The following SEL1L2 variants were observed in gnomAD, a reference collection of about 807,000 sequenced individuals.
SEL1L2 encodes SEL1L2 adaptor subunit of SYVN1 ubiquitin ligase.
SEL1L2 carries 89 observed loss-of-function variants against 98.8 expected under a neutral mutation model. The ratio of observed to expected loss-of-function variants is 0.90; its 90% confidence interval spans 0.76 to 1.07. The LOEUF (loss-of-function observed/expected upper bound fraction) is 1.07. Ranked by LOEUF, SEL1L2 falls within the 50% of genes least tolerant of loss-of-function variation. SEL1L2 has a pLI of 0.00. For missense variants in SEL1L2, 788 were observed against 812.0 expected, an observed-to-expected ratio of 0.97 and a Z score of 0.36; for synonymous variants, 262 against 278.5, an observed-to-expected ratio of 0.94 and a Z score of 0.59.
chr20:13,889,805 A>C (rs1357406289), intron 5 of SEL1L2, among the ~76,000 whole-genome samples: 1 of 152,192 alleles, frequency 6.6e-6, no homozygotes, highest in African/African-American at 2.4e-5. Context: ...AAAACAAAAA[A>C]CAAAAAAAGC....
At chr20:13,919,978 C>T (rs1017973113) in intron 3 of SEL1L2, among the ~76,000 whole-genome samples, 1 of 150,520 alleles carries the variant, frequency 6.6e-6, no homozygotes, top group East Asian at 1.9e-4. Context: ...CCTGTAATCC[C>T]AGCACTTTGG....
intron 18 of SEL1L2, among the ~76,000 whole-genome samples, chr20:13,858,391 G>C (rs909046834): frequency 6.6e-6 from 1 of 152,038 alleles, no homozygotes; most frequent in African/African-American, 2.4e-5. Flanking sequence ...AACAGGGTCA[G>C]ATAGGGCTGG....
Position 13,915,148 on chromosome 20 carries a change from G to A in SEL1L2, c.387-1204C>T, listed in dbSNP as rs531751213. The A allele has an allele frequency of 5.3e-5, 68 of 1,289,736 alleles. No individual in the cohort carries two copies. In the African/African-American group the frequency reaches 8.6e-4, roughly 16 times the overall value. The allele number at this position is 1,289,736 out of a possible 1,614,324, so 79.9% of individuals were successfully genotyped here. A position where few individuals can be genotyped will look rare whatever the true frequency, so the allele number is the denominator to read the frequency against. On this transcript the variant is annotated intron_variant, in intron 4 of 19. Coordinates refer to ENST00000284951, the MANE Select transcript of SEL1L2 (RefSeq NM_025229.2). ...TTATGTACAGCCCATCCATGCTGAGGCTAAAATAAGCTGCTCTTGGGCAGA... is the reference window on the plus strand; with the variant it reads ...TTATGTACAGCCCATCCATGCTGAGACTAAAATAAGCTGCTCTTGGGCAGA...
intron 3 of SEL1L2, among the ~76,000 whole-genome samples, chr20:13,930,644 G>GA (rs1189971408): frequency 1.3e-4 from 19 of 151,878 alleles, no homozygotes; most frequent in Admixed American, 1.2e-3. Context: ...TAAATGTGAG[G>GA]AAAAAAATAC....
At chr20:13,948,396 G>A (rs2050115044) in intron 2 of SEL1L2, among the ~76,000 whole-genome samples, 1 of 152,032 alleles carries the variant, frequency 6.6e-6, no homozygotes, top group African/African-American at 2.4e-5. Flanking sequence ...AAAGAGTGCG[G>A]CACAAAGATA....
chr20:13,930,973 A>G (rs1383958468), intron 3 of SEL1L2, among the ~76,000 whole-genome samples: 1 of 152,068 alleles, frequency 6.6e-6, no homozygotes, highest in Non-Finnish European at 1.5e-5. Flanking sequence ...TCTACTAAAA[A>G]TTAAAAACAT....
rs1466947215 is a variant in SEL1L2, at chr20:13,947,138, G to A, written c.114+8938C>T. On this transcript the variant is annotated intron_variant, in intron 2 of 19. Coordinates refer to ENST00000284951, the MANE Select transcript of SEL1L2 (RefSeq NM_025229.2). Reference sequence around the variant, plus strand: ...AAGCCTGGGGGCCAGGATCCATTCCGGGTGGAGTCTGTAGCTGGGAGTGAG... The same window carrying A: ...AAGCCTGGGGGCCAGGATCCATTCCAGGTGGAGTCTGTAGCTGGGAGTGAG... Among the ~76,000 whole-genome samples, 6 of 79,142 alleles carry A rather than the reference G, an allele frequency of 7.6e-5. 1 individual carries two copies. The highest frequency in any genetic ancestry group is 1.3e-4 in the African/African-American group (3 of 22,630). The allele number at this position is 79,142 out of a possible 152,430, so 51.9% of individuals were successfully genotyped here.
chr20:13,904,546 A>AAT (rs934249645), intron 5 of SEL1L2, among the ~76,000 whole-genome samples: 17 of 151,622 alleles, frequency 1.1e-4, no homozygotes, highest in Admixed American at 2.6e-4. Flanking sequence ...CAAACAAATA[A>AAT]ATATATATAT....
chr20:13,945,683 A>C (rs1046609816), intron 2 of SEL1L2, among the ~76,000 whole-genome samples: 1 of 152,098 alleles, frequency 6.6e-6, no homozygotes, highest in Non-Finnish European at 1.5e-5. Context: ...ATACTGATGG[A>C]AAAATCTTCA....
At chr20:13,993,019 C>T (rs1043588931), upstream of SEL1L2, among the ~76,000 whole-genome samples, 1 of 152,080 alleles carries the variant, frequency 6.6e-6, no homozygotes, top group Non-Finnish European at 1.5e-5. Context: ...TAAGTCAGTC[C>T]ATAGTAAAGA....
intron 1 of SEL1L2, among the ~76,000 whole-genome samples, chr20:13,968,451 G>A (rs1229774436): frequency 2.0e-5 from 3 of 152,254 alleles, no homozygotes; most frequent in South Asian, 2.1e-4. Flanking sequence ...TTCATTAGGT[G>A]AGAAATAATT....
At chr20:13,884,034 A>G (rs1298901772) in intron 10 of SEL1L2, among the ~76,000 whole-genome samples, 1 of 152,190 alleles carries the variant, frequency 6.6e-6, no homozygotes, top group Non-Finnish European at 1.5e-5. Context: ...GCTTATTTAA[A>G]TTCCTACCTA....
chr20:13,854,770 C>T (rs1012077398), intron 18 of SEL1L2, among the ~76,000 whole-genome samples: 1 of 152,064 alleles, frequency 6.6e-6, no homozygotes, highest in Non-Finnish European at 1.5e-5. Context: ...TCTGGGGGTT[C>T]TAGCCAGGTG....
chr20:13,937,691 A>G (rs1021466001), intron 2 of SEL1L2, among the ~76,000 whole-genome samples: 1 of 152,182 alleles, frequency 6.6e-6, no homozygotes, highest in Non-Finnish European at 1.5e-5. Flanking sequence ...AGTACATCAC[A>G]TATTACATGT....
chr20:13,862,675 A>G (rs1314992603), intron 17 of SEL1L2, among the ~76,000 whole-genome samples: 2 of 151,388 alleles, frequency 1.3e-5, no homozygotes, highest in African/African-American at 2.4e-5. Context: ...TAAAATTTTT[A>G]TTATTATTAT....
Position 13,907,520 on chromosome 20 carries a change from G to T in SEL1L2, c.549+6262C>A, listed in dbSNP as rs536772786. The stretch of plus-strand genomic sequence containing the variant: ...GGAAGTTGAGGGTACAGTGAGACAT[G>T]ATTGCGCCCCTGCACTCTAGCCTGG... On this transcript the variant is annotated intron_variant, in intron 5 of 19. Coordinates refer to ENST00000284951, the MANE Select transcript of SEL1L2 (RefSeq NM_025229.2). 6.4e-4 allele frequency among the ~76,000 whole-genome samples: 98 copies of T among 152,238 alleles called. 1 individual carries two copies. The highest frequency in any genetic ancestry group is 2.2e-3 in the African/African-American group (93 of 41,556).
At chr20:13,962,609 G>A (rs1600942424) in intron 1 of SEL1L2, among the ~76,000 whole-genome samples, 1 of 152,074 alleles carries the variant, frequency 6.6e-6, no homozygotes, top group Admixed American at 6.5e-5. Context: ...CTAAGTTTTG[G>A]GTTGTTAATG....
chr20:13,936,317 C>A (rs1314347398), intron 2 of SEL1L2, among the ~76,000 whole-genome samples: 2 of 152,162 alleles, frequency 1.3e-5, no homozygotes, highest in Non-Finnish European at 2.9e-5. Context: ...AAAAACTAAA[C>A]CACCTTTGTA....
At chr20:13,855,650 C>T (rs1989034521) in intron 18 of SEL1L2, among the ~76,000 whole-genome samples, 1 of 152,198 alleles carries the variant, frequency 6.6e-6, no homozygotes, top group Non-Finnish European at 1.5e-5. Flanking sequence ...ATTGTGGGGC[C>T]AAACTCCTTC....
Sources: gnomAD v4.1 joint callset for allele counts (sites outside exome capture counted in the v4.1 genomes callset) on GRCh38, gnomAD v4.1.1 for gene constraint, MANE v1.5 for transcripts, NCBI Gene and HGNC (gene_info 2026-07-23, HGNC 2026-07-21) for gene names.